Variants in DCDC1 observed in about 807,000 individuals in gnomAD.
The protein encoded by DCDC1 is doublecortin domain containing 1.
DCDC1 carries 200 observed loss-of-function variants against 178.3 expected under a neutral mutation model. That is an observed-to-expected ratio of 1.12 (90% CI 1.00 to 1.26). The LOEUF (loss-of-function observed/expected upper bound fraction) is 1.26. DCDC1 is among the 50% of genes most tolerant of loss of function. DCDC1 has a pLI of 0.00. For missense variants in DCDC1, 1,983 were observed against 1,749.2 expected (o/e 1.13, Z -2.38); for synonymous variants, 690 against 604.8 (o/e 1.14, Z -2.07).
intron 20 of DCDC1, among the ~76,000 whole-genome samples, chr11:30,990,789 T>C (rs1950931890): frequency 6.6e-6 from 1 of 152,194 alleles, no homozygotes; most frequent in Non-Finnish European, 1.5e-5. Flanking sequence ...GTTAAAGTTA[T>C]TTAGTAAAGA....
chr11:31,119,008 T>G (rs574666956), intron 11 of DCDC1, among the ~76,000 whole-genome samples: 1 of 151,834 alleles, frequency 6.6e-6, no homozygotes, highest in Non-Finnish European at 1.5e-5. Context: ...ACTGGCATTT[T>G]CCCCCCAAAA....
intron 9 of DCDC1, among the ~76,000 whole-genome samples, chr11:31,229,789 T>A (rs746820812): frequency 3.9e-5 from 6 of 152,144 alleles, no homozygotes; most frequent in Non-Finnish European, 7.4e-5. Flanking sequence ...ATGATCTGAA[T>A]TGGTGCAGAA....
intron 2 of DCDC1, among the ~76,000 whole-genome samples, chr11:31,328,514 A>C (rs928089427): frequency 6.6e-6 from 1 of 152,190 alleles, no homozygotes; most frequent in African/African-American, 2.4e-5. Flanking sequence ...AATGAAAAAA[A>C]TGGGCCGGGT....
intron 20 of DCDC1, among the ~76,000 whole-genome samples, chr11:30,964,289 A>C (rs890717477): frequency 2.6e-5 from 4 of 152,140 alleles, no homozygotes; most frequent in African/African-American, 9.7e-5. Flanking sequence ...ATTCTTCATA[A>C]GTTCTAGACA....
At chr11:30,875,279 C>T (rs889089041) in intron 38 of DCDC1, among the ~76,000 whole-genome samples, 10 of 152,056 alleles carry the variant, frequency 6.6e-5, no homozygotes, top group Admixed American at 3.3e-4. Flanking sequence ...TTTACTGTGT[C>T]GAGAACAAAA....
At chr11:31,215,406 T>C (rs992209047) in intron 9 of DCDC1, 2 of 152,288 alleles carry the variant, frequency 1.3e-5, no homozygotes, top group Non-Finnish European at 2.9e-5. Context: ...GTTTATGTCA[T>C]GTGTATATCT....
At chr11:30,999,520 A>G (rs1021379853) in intron 20 of DCDC1, among the ~76,000 whole-genome samples, 1 of 152,192 alleles carries the variant, frequency 6.6e-6, no homozygotes, top group East Asian at 1.9e-4. Context: ...TTTTCAATAA[A>G]TTTAAGATTC....
intron 6 of DCDC1, among the ~76,000 whole-genome samples, chr11:31,303,050 T>C (rs1209023751): frequency 6.6e-6 from 1 of 152,212 alleles, no homozygotes; most frequent in Admixed American, 6.5e-5. Context: ...AGGCCAGGAC[T>C]TCTATCCCTA....
chr11:31,122,679 C>T (rs1259267684), intron 11 of DCDC1, among the ~76,000 whole-genome samples: 1 of 151,870 alleles, frequency 6.6e-6, no homozygotes. Flanking sequence ...GGTTCTGACC[C>T]GAATGTTGAT....
chr11:31,194,346 T>A (rs1970439046), intron 9 of DCDC1, among the ~76,000 whole-genome samples: 1 of 152,116 alleles, frequency 6.6e-6, no homozygotes, highest in South Asian at 2.1e-4. Flanking sequence ...CAATACGAAT[T>A]GTTTTAAATA....
intron 32 of DCDC1, among the ~76,000 whole-genome samples, chr11:30,902,580 G>A (rs1435307693): frequency 6.6e-6 from 1 of 152,034 alleles, no homozygotes; most frequent in Non-Finnish European, 1.5e-5. Context: ...AGTAAAATAT[G>A]TACATTTTAT....
chr11:31,164,340 A>G (rs1966586877), intron 9 of DCDC1, among the ~76,000 whole-genome samples: 1 of 152,196 alleles, frequency 6.6e-6, no homozygotes, highest in Non-Finnish European at 1.5e-5. Flanking sequence ...TATTTCTTAA[A>G]AGAGTGACAT....
intron 6 of DCDC1, among the ~76,000 whole-genome samples, chr11:31,295,132 C>A (rs1006163468): frequency 1.3e-5 from 2 of 152,232 alleles, no homozygotes; most frequent in African/African-American, 4.8e-5. Flanking sequence ...ATAACCTACA[C>A]ACATCCCCCT....
At chr11:31,353,754 T>C (rs1350995820) in intron 1 of DCDC1, among the ~76,000 whole-genome samples, 2 of 152,202 alleles carry the variant, frequency 1.3e-5, no homozygotes, top group Non-Finnish European at 2.9e-5. Flanking sequence ...ATGAACAGAA[T>C]AAGCACAGTG....
At chr11:31,278,952 T>C (rs1226540497) in intron 7 of DCDC1, among the ~76,000 whole-genome samples, 1 of 152,166 alleles carries the variant, frequency 6.6e-6, no homozygotes, top group Non-Finnish European at 1.5e-5. Flanking sequence ...TCCACGTATA[T>C]TTTAGAAATA....
chr11:30,997,050 T>C (rs763712668), intron 20 of DCDC1, among the ~76,000 whole-genome samples: 15 of 152,206 alleles, frequency 9.9e-5, no homozygotes, highest in Middle Eastern at 3.2e-3. Flanking sequence ...GAATCTTAAA[T>C]GCATTAGCTA....
intron 11 of DCDC1, among the ~76,000 whole-genome samples, chr11:31,118,851 C>G (rs183493092): frequency 2.0e-5 from 3 of 152,202 alleles, no homozygotes; most frequent in Non-Finnish European, 2.9e-5. Flanking sequence ...TGCATGGGAG[C>G]TAATGCCCAG....
At chr11:31,048,635 C>T (rs939425336) in intron 20 of DCDC1, among the ~76,000 whole-genome samples, 2 of 151,980 alleles carry the variant, frequency 1.3e-5, no homozygotes, top group Non-Finnish European at 2.9e-5. Context: ...GGGTAGATCA[C>T]GAGGTCAGGA....
At chr11:31,088,110 C>G (rs1957590969) in intron 17 of DCDC1, among the ~76,000 whole-genome samples, 1 of 151,978 alleles carries the variant, frequency 6.6e-6, no homozygotes, top group Non-Finnish European at 1.5e-5. Context: ...TCTACTTTAT[C>G]TGATATTAAT....
Sources: allele counts gnomAD v4.1 joint callset (sites outside exome capture counted in the v4.1 genomes callset), GRCh38; gene constraint gnomAD v4.1.1; transcripts MANE v1.5; gene names NCBI Gene and HGNC (gene_info 2026-07-23, HGNC 2026-07-21).